Variants in CCL11 observed in about 807,000 individuals in gnomAD.
CCL11 encodes C-C motif chemokine ligand 11, also known as eotaxin.
A neutral mutation model predicts 7.3 loss-of-function variants in CCL11; 7 were observed. That is an observed-to-expected ratio of 0.96 (90% CI 0.55 to 1.81). The LOEUF (loss-of-function observed/expected upper bound fraction) is 1.81. CCL11 is among the 40% of genes most tolerant of loss of function. The probability of loss-of-function intolerance (pLI) is 0.00; values close to 1 mark genes in which losing one functional copy is unlikely to be tolerated. For synonymous variants in CCL11, 66 were observed against 45.2 expected, an observed-to-expected ratio of 1.46 and a Z score of -1.84; for missense variants, 132 against 114.2, an observed-to-expected ratio of 1.16 and a Z score of -0.71.
chr17:34,287,054 G>T, intron 1 of CCL11, 42 bp from the exon 2 acceptor site: 1 of 1,311,314 alleles, frequency 7.6e-7, no homozygotes. Context: ...TCATCATGTG[G>T]CTCATTTTTT....
Position 34,287,176 on chromosome 17 carries a change from A to G in CCL11, c.157A>G (p.Thr53Ala), listed in dbSNP as rs1344356149. 2 of 1,613,740 alleles carry G rather than the reference A, an allele frequency of 1.2e-6. No individual in the cohort carries two copies. The highest frequency in any genetic ancestry group is 1.7e-6 in the Non-Finnish European group (2 of 1,179,782). ...LQRLESYRRI[T>A]SGKCPQKAVI... Reference sequence around the variant, plus strand: ...GCGACTAGAGAGCTACAGGAGAATCACCAGTGGCAAATGTCCCCAGAAAGC... The same window carrying G: ...GCGACTAGAGAGCTACAGGAGAATCGCCAGTGGCAAATGTCCCCAGAAAGC... The change falls in exon 2 of 3, where the codon ACC becomes GCC. Residue 53 changes from threonine (T) to alanine (A), a missense_variant. Thr to Ala is a moderately conservative substitution (Grantham distance 58). Transcript: ENST00000305869.
chr17:34,286,036 T>A, intron 1 of CCL11, 152 bp downstream of exon 1: 1 of 599,622 alleles, frequency 1.7e-6, no homozygotes, highest in Non-Finnish European at 2.9e-6. Flanking sequence ...CAACCTCACA[T>A]CCAGTCACTG....
chr17:34,287,630 G>T lies in CCL11; in HGVS notation c.234G>T (p.Lys78Asn). Residue 78 changes from lysine (K) to asparagine (N), a missense_variant, in exon 3 of 3, where the codon AAG (lysine) becomes AAT (asparagine). Lys to Asn is a moderately conservative substitution (Grantham distance 94). Transcript: ENST00000305869. The part of the protein sequence containing the change: ...LAKDICADPK[K>N]KWVQDSMKYL... ...AGGATATCTGTGCCGACCCCAAGAA[G>T]AAGTGGGTGCAGGATTCCATGAAGT... 6.2e-7 allele frequency: 1 copy of T among 1,613,942 alleles called. No homozygotes were observed.
rs1230387457 is a variant in CCL11 at position 34,287,323 on chromosome 17, T to A, written c.188+116T>A. The stretch of plus-strand genomic sequence containing the variant: ...GACTCTGATAGTTTGACCTCTATGG[T>A]CCAATTCATTAATTTTCACAAGTGA... On this transcript the variant is annotated intron_variant, in intron 2 of 2. Transcript: ENST00000305869. 6.8e-6 allele frequency: 5 copies of A among 733,942 alleles called. No individual in the cohort carries two copies. In the South Asian group the frequency reaches 6.9e-5, roughly 10 times the overall value. The allele number at this position is 733,942 out of a possible 1,614,324, so 45.5% of individuals were successfully genotyped here.
intron 1 of CCL11, 37 bp from the exon 2 acceptor site, chr17:34,287,058 AT>A: frequency 7.1e-7 from 1 of 1,413,138 alleles, no homozygotes; most frequent in Non-Finnish European, 1.0e-6. Context: ...CATGTGGCTC[AT>A]TTTTTTCTCT....
Position 34,285,800 on chromosome 17 carries a change from G to A in CCL11, c.-9G>A, listed in dbSNP as rs1908610218. 6.2e-7 allele frequency: 1 copy of A among 1,608,730 alleles called. No homozygotes were observed. Among genetic ancestry groups the A allele is most frequent in the African/African-American group, 1.3e-5 (1 of 74,706 alleles). Reference sequence around the variant, plus strand: ...TCTCACGCCAAAGCTCACACCTTCAGCCTCCAACATGAAGGTCTCCGCAGC... The same window carrying A: ...TCTCACGCCAAAGCTCACACCTTCAACCTCCAACATGAAGGTCTCCGCAGC... On this transcript the variant is annotated 5_prime_UTR_variant, in exon 1 of 3. Coordinates refer to ENST00000305869, the MANE Select transcript of CCL11 (RefSeq NM_002986.3).
chr17:34,287,175 C>A lies in CCL11; in HGVS notation c.156C>A (p.Ile52=). ...PLQRLESYRR[I]TSGKCPQKAV... is the part of the protein sequence containing the mutation. ...AGCGACTAGAGAGCTACAGGAGAAT[C>A]ACCAGTGGCAAATGTCCCCAGAAAG... The change falls in exon 2 of 3, where the codon ATC becomes ATA. Residue 52 remains isoleucine (I), a synonymous_variant. Transcript: ENST00000305869. 2 of 1,613,824 alleles carry A rather than the reference C, an allele frequency of 1.2e-6. No individual in the cohort carries two copies. The highest frequency in any genetic ancestry group is 2.2e-5 in the South Asian group (2 of 91,050).
chr17:34,286,175 T>C (rs760856960), intron 1 of CCL11, among the ~76,000 whole-genome samples: 3 of 152,164 alleles, frequency 2.0e-5, no homozygotes, highest in Non-Finnish European at 4.4e-5. Context: ...GTGGGCATGG[T>C]GGGCATTTTT....
intron 1 of CCL11, among the ~76,000 whole-genome samples, chr17:34,286,579 G>C (rs556607668): frequency 6.6e-6 from 1 of 152,210 alleles, no homozygotes; most frequent in Non-Finnish European, 1.5e-5. Context: ...TTGCCCATGT[G>C]GGGGAACATT....
In CCL11 at chr17:34,287,758, G is replaced by A; in HGVS notation, c.*68G>A. 1 of 913,964 alleles carries A rather than the reference G, an allele frequency of 1.1e-6. No homozygotes were observed. Among genetic ancestry groups the A allele is most frequent in the Non-Finnish European group, 1.8e-6 (1 of 557,842 alleles). The allele number at this position is 913,964 out of a possible 1,614,324, so 56.6% of individuals were successfully genotyped here. On this transcript the variant is annotated 3_prime_UTR_variant, in exon 3 of 3. Transcript: ENST00000305869. ...CTAATTTGTTTTCCCTTCTTACAAT[G>A]CATTCTGAGGTAACCTCATTATCAG...
Position 34,287,085 on chromosome 17 carries a change from C to A in CCL11, c.77-11C>A. ...TTTTTTCTCTGTTCATTTTTTTTCC[C>A]CAAAATTCAGCTTCTGTCCCAACCA... On this transcript the variant is annotated splice_polypyrimidine_tract_variant and intron_variant, in intron 1 of 2. Coordinates refer to ENST00000305869, the MANE Select transcript of CCL11 (RefSeq NM_002986.3). 1 of 1,598,352 alleles carries A rather than the reference C, an allele frequency of 6.3e-7. No homozygotes were observed. The highest frequency in any genetic ancestry group is 1.1e-5 in the South Asian group (1 of 90,182).
Position 34,287,767 on chromosome 17 carries a change from G to C in CCL11, c.*77G>C. 1.2e-6 allele frequency: 1 copy of C among 847,808 alleles called. No individual in the cohort carries two copies. Among genetic ancestry groups the C allele is most frequent in the Non-Finnish European group, 2.0e-6 (1 of 500,940 alleles). The allele number at this position is 847,808 out of a possible 1,614,324, so 52.5% of individuals were successfully genotyped here. A position where few individuals can be genotyped will look rare whatever the true frequency, so the allele number is the denominator to read the frequency against. ...TTTCCCTTCTTACAATGCATTCTGAGGTAACCTCATTATCAGTCCAAAGGG... is the reference window on the plus strand; with the variant it reads ...TTTCCCTTCTTACAATGCATTCTGACGTAACCTCATTATCAGTCCAAAGGG... On this transcript the variant is annotated 3_prime_UTR_variant, in exon 3 of 3. Transcript: ENST00000305869.
At position 34,287,961 on chromosome 17, in the gene CCL11, G is replaced by A. The variant is rs200523282; in HGVS notation, c.*271G>A. The A allele has an allele frequency of 5.7e-5, 10 of 176,574 alleles. No individual in the cohort carries two copies. The highest frequency in any genetic ancestry group is 1.4e-4 in the East Asian group (1 of 7,112). 10.9% of individuals were successfully genotyped at this position (176,574 alleles called of 1,614,324 possible). On this transcript the variant is annotated 3_prime_UTR_variant, in exon 3 of 3. Coordinates refer to ENST00000305869, the MANE Select transcript of CCL11 (RefSeq NM_002986.3). ...GAGCCCCAATTCGATCCCCTGTCACGTGTGGGCAATGTTCCCCCTCTCCTC... is the reference window on the plus strand; with the variant it reads ...GAGCCCCAATTCGATCCCCTGTCACATGTGGGCAATGTTCCCCCTCTCCTC...
chr17:34,285,875 G>A lies in CCL11; in HGVS notation c.67G>A (p.Ala23Thr), dbSNP rs1129844. Reference sequence around the variant, plus strand: ...AGCTGCCTTCAGCCCCCAGGGGCTCGCTGGGCCAGGTAAGCCCCCCAACTC... The same window carrying A: ...AGCTGCCTTCAGCCCCCAGGGGCTCACTGGGCCAGGTAAGCCCCCCAACTC... ...IAAAFSPQGL[A>T]GPASVPTTCC... Residue 23 changes from alanine to threonine, a missense_variant, in exon 1 of 3, where the codon GCT (alanine) becomes ACT (threonine). Ala to Thr is a moderately conservative substitution (Grantham distance 58). Transcript: ENST00000305869. 0.17 allele frequency: 271,959 copies of A among 1,607,948 alleles called. 23,606 individuals carry two copies. Among genetic ancestry groups the A allele is most frequent in the Middle Eastern group, 0.19 (1,173 of 6,038 alleles).
chr17:34,287,295 A>G (rs1908663131), intron 2 of CCL11, 88 bp downstream of exon 2: 1 of 902,340 alleles, frequency 1.1e-6, no homozygotes, highest in Non-Finnish European at 1.8e-6. Flanking sequence ...GCTGGGAGTC[A>G]TAGACTCTGA....
rs779278582 is a variant in CCL11 at position 34,285,861 on chromosome 17, GC to G, written c.58del (p.Gln20ArgfsTer27). 11 of 1,611,800 alleles carry G rather than the reference GC, an allele frequency of 6.8e-6. No homozygotes were observed. The highest frequency in any genetic ancestry group is 1.6e-4 in the Middle Eastern group (1 of 6,068). On this transcript the variant is annotated frameshift_variant, in exon 1 of 3. Coordinates refer to ENST00000305869, the MANE Select transcript of CCL11 (RefSeq NM_002986.3). LOFTEE classifies it high-confidence loss of function. ...LWLLLIAAAF[S>X]PQGLAGPASV... Reference sequence around the variant, plus strand: ...CTGCTGCTCATAGCAGCTGCCTTCAGCCCCCAGGGGCTCGCTGGGCCAGGTA... The same window carrying G: ...CTGCTGCTCATAGCAGCTGCCTTCAGCCCCAGGGGCTCGCTGGGCCAGGTA...
rs1908672545 is a variant in CCL11 at position 34,287,574 on chromosome 17, A to G, written c.189-11A>G. 6.3e-7 allele frequency: 1 copy of G among 1,594,938 alleles called. No homozygotes were observed. The highest frequency in any genetic ancestry group is 1.3e-5 in the African/African-American group (1 of 74,630). On this transcript the variant is annotated splice_polypyrimidine_tract_variant and intron_variant, in intron 2 of 2. Coordinates refer to ENST00000305869, the MANE Select transcript of CCL11 (RefSeq NM_002986.3). ...AACAATCCTTCCAATTGCATCCTGT[A>G]TCTCCCACAGCTTCAAGACCAAACT...
At chr17:34,287,528 C>A in intron 2 of CCL11, 57 bp from the exon 3 acceptor site, 3 of 1,267,082 alleles carry the variant, frequency 2.4e-6, no homozygotes, top group South Asian at 2.4e-5. Context: ...TATTTAGGGT[C>A]AAATGGGCAG....
rs1597595579 is a variant in CCL11 at position 34,287,784 on chromosome 17, T to C, written c.*94T>C. The C allele has an allele frequency of 1.5e-6, 1 of 672,942 alleles. No individual in the cohort carries two copies. The highest frequency in any genetic ancestry group is 2.8e-5 in the East Asian group (1 of 36,280). The allele number at this position is 672,942 out of a possible 1,614,324, so 41.7% of individuals were successfully genotyped here. ...CATTCTGAGGTAACCTCATTATCAGTCCAAAGGGCATGGGTTTTATTATAT... is the reference window on the plus strand; with the variant it reads ...CATTCTGAGGTAACCTCATTATCAGCCCAAAGGGCATGGGTTTTATTATAT... On this transcript the variant is annotated 3_prime_UTR_variant, in exon 3 of 3. Coordinates refer to ENST00000305869, the MANE Select transcript of CCL11 (RefSeq NM_002986.3).
Sources: gnomAD v4.1 joint callset for allele counts (sites outside exome capture counted in the v4.1 genomes callset) on GRCh38, gnomAD v4.1.1 for gene constraint, MANE v1.5 for transcripts, NCBI Gene and HGNC (gene_info 2026-07-23, HGNC 2026-07-21) for gene names.